Variants in PLCG2 observed in about 807,000 individuals in gnomAD.
PLCG2 encodes the protein phospholipase C gamma 2.
PLCG2 carries 69 observed loss-of-function variants against 175.6 expected under a neutral mutation model. That is an observed-to-expected ratio of 0.39 (90% CI 0.32 to 0.48). The LOEUF (loss-of-function observed/expected upper bound fraction) is 0.48, where lower values mean the gene tolerates loss of function less well. Among genes scored for constraint, PLCG2 ranks in the 20% least tolerant of loss-of-function variants. The pLI is 0.91. For synonymous variants in PLCG2, 827 were observed against 624.0 expected, an observed-to-expected ratio of 1.33 and a Z score of -4.85; for missense variants, 1,798 against 1,650.9, an observed-to-expected ratio of 1.09 and a Z score of -1.54.
chr16:81,801,766 C>T (rs551874122), intron 2 of PLCG2, among the ~76,000 whole-genome samples: 40 of 152,032 alleles, frequency 2.6e-4, no homozygotes, highest in Non-Finnish European at 5.1e-4. Flanking sequence ...CTGCAACCTC[C>T]GCCTCCAGGG....
At chr16:81,780,687 C>T (rs934139499) in intron 1 of PLCG2, among the ~76,000 whole-genome samples, 2 of 152,190 alleles carry the variant, frequency 1.3e-5, no homozygotes, top group Non-Finnish European at 2.9e-5. Context: ...CCCTTTTGCA[C>T]TCATTGGGTA....
At chr16:81,790,526 A>T (rs1292220280) in intron 2 of PLCG2, among the ~76,000 whole-genome samples, 1 of 152,172 alleles carries the variant, frequency 6.6e-6, no homozygotes, top group Admixed American at 6.5e-5. Context: ...GTTTTATCTC[A>T]AGAAGAACTC....
At chr16:81,863,051 T>G (rs768775747) in intron 5 of PLCG2, among the ~76,000 whole-genome samples, 3 of 152,190 alleles carry the variant, frequency 2.0e-5, no homozygotes, top group Non-Finnish European at 4.4e-5. Flanking sequence ...CAATGAAACA[T>G]AGAACAACAT....
At chr16:81,852,552 T>A (rs1906472010) in intron 2 of PLCG2, among the ~76,000 whole-genome samples, 1 of 151,556 alleles carries the variant, frequency 6.6e-6, no homozygotes. Context: ...GAAGGAGGAG[T>A]CACCTTTGAG....
intron 18 of PLCG2, 36 bp downstream of exon 18, chr16:81,910,756 G>C (rs2143658192): frequency 6.3e-7 from 1 of 1,584,700 alleles, no homozygotes; most frequent in African/African-American, 1.3e-5. Context: ...GGCAGGCGGT[G>C]GTCGGGTTAG....
chr16:81,771,602 T>C (rs140186933), intron 2 of PLCG2, among the ~76,000 whole-genome samples: 12 of 152,160 alleles, frequency 7.9e-5, no homozygotes, highest in African/African-American at 2.9e-4. Context: ...CTTCCTGCTG[T>C]CTCCCCATTG....
Position 81,937,852 on chromosome 16 carries a change from C to G in PLCG2, c.3147C>G (p.Asp1049Glu). Residue 1049 changes from aspartate (D) to glutamate (E), a missense_variant, in exon 28 of 33, where the codon GAC becomes GAG. By Grantham distance (45) the Asp-to-Glu change is conservative (BLOSUM62 2). Coordinates refer to ENST00000564138, the MANE Select transcript of PLCG2 (RefSeq NM_002661.5). ...AGAGCATGAGGACAGAGAAATATGA[C>G]CCGATGCCACCCGAGTCCCAGAGGA... ...QPESMRTEKY[D>E]PMPPESQRKI... The G allele has an allele frequency of 6.2e-7, 1 of 1,614,074 alleles. No homozygotes were observed.
intron 6 of PLCG2, among the ~76,000 whole-genome samples, chr16:81,870,435 C>A (rs1256481240): frequency 6.6e-6 from 1 of 152,170 alleles, no homozygotes; most frequent in Non-Finnish European, 1.5e-5. Context: ...ACAAATATGT[C>A]TGAAGTTGGA....
At chr16:81,782,577 G>T (rs1910787920) in intron 1 of PLCG2, among the ~76,000 whole-genome samples, 1 of 152,192 alleles carries the variant, frequency 6.6e-6, no homozygotes, top group African/African-American at 2.4e-5. Flanking sequence ...TTTTGGCCGT[G>T]AAGATCTGTT....
At chr16:81,771,279 G>A (rs551956997) in intron 2 of PLCG2, among the ~76,000 whole-genome samples, 1 of 152,236 alleles carries the variant, frequency 6.6e-6, no homozygotes, top group South Asian at 2.1e-4. Flanking sequence ...TCAGGCTGGA[G>A]TACACTGGTG....
chr16:81,759,663 G>A (rs563279001), intron 2 of PLCG2, among the ~76,000 whole-genome samples: 4 of 152,288 alleles, frequency 2.6e-5, no homozygotes, highest in East Asian at 3.9e-4. Context: ...CCTAGGGACC[G>A]CTACTGTTGC....
intron 2 of PLCG2, among the ~76,000 whole-genome samples, chr16:81,762,350 C>T (rs1248791388): frequency 6.6e-6 from 1 of 151,986 alleles, no homozygotes; most frequent in Non-Finnish European, 1.5e-5. Context: ...AGGCGGATCA[C>T]CTGAGGTCAG....
chr16:81,933,282 C>G (rs968325503), intron 25 of PLCG2, among the ~76,000 whole-genome samples: 11 of 152,324 alleles, frequency 7.2e-5, no homozygotes, highest in African/African-American at 2.6e-4. Context: ...ACACTGGGCA[C>G]AGCTACCCCT....
chr16:81,836,646 C>G lies in PLCG2; in HGVS notation c.194-17798C>G, dbSNP rs185012340. On this transcript the variant is annotated intron_variant, in intron 2 of 32. Transcript: ENST00000564138. Reference sequence around the variant, plus strand: ...GTCCCAGCTCCTTAGGAGACTGAGGCAGGAGAATCGCTTGAACTCAGGAGG... The same window carrying G: ...GTCCCAGCTCCTTAGGAGACTGAGGGAGGAGAATCGCTTGAACTCAGGAGG... Among the ~76,000 whole-genome samples the G allele has an allele frequency of 7.0e-4, 106 of 152,288 alleles. 1 individual carries two copies. The highest frequency in any genetic ancestry group is 1.9e-3 in the Admixed American group (29 of 15,294).
At position 81,958,969 on chromosome 16, in the gene PLCG2, T is replaced by C. The variant is rs1911681146; in HGVS notation, c.*971T>C. 2 of 223,368 alleles carry C rather than the reference T, an allele frequency of 9.0e-6. No individual in the cohort carries two copies. The highest frequency in any genetic ancestry group is 4.5e-5 in the African/African-American group (2 of 44,770). 13.8% of individuals were successfully genotyped at this position (223,368 alleles called of 1,614,324 possible). ...CTAAGCATTAGGGTGTTACAGAAAA[T>C]TTCAAATGCAGCCATCTCCCTTGGG... On this transcript the variant is annotated 3_prime_UTR_variant, in exon 33 of 33. Coordinates refer to ENST00000564138, the MANE Select transcript of PLCG2 (RefSeq NM_002661.5).
chr16:81,842,562 G>C (rs1286887788), intron 2 of PLCG2, among the ~76,000 whole-genome samples: 3 of 152,140 alleles, frequency 2.0e-5, no homozygotes, highest in African/African-American at 7.2e-5. Context: ...TTGCTCGCTT[G>C]AATATGTCTT....
At chr16:81,897,364 C>T (rs1032380431) in intron 13 of PLCG2, among the ~76,000 whole-genome samples, 1 of 152,280 alleles carries the variant, frequency 6.6e-6, no homozygotes, top group South Asian at 2.1e-4. Context: ...AAAGCACTTA[C>T]CATCCTATGC....
intron 2 of PLCG2, among the ~76,000 whole-genome samples, chr16:81,801,841 T>C (rs1299831313): frequency 6.6e-6 from 1 of 151,626 alleles, no homozygotes; most frequent in African/African-American, 2.4e-5. Flanking sequence ...CCACCACGCC[T>C]GGTTAATTTT....
At chr16:81,853,034 A>C (rs1322393012) in intron 2 of PLCG2, among the ~76,000 whole-genome samples, 3 of 152,186 alleles carry the variant, frequency 2.0e-5, no homozygotes, top group African/African-American at 7.2e-5. Context: ...AGGCCTTCTT[A>C]AGTATTAGGC....
Sources: gnomAD v4.1 joint callset for allele counts (sites outside exome capture counted in the v4.1 genomes callset) on GRCh38, gnomAD v4.1.1 for gene constraint, MANE v1.5 for transcripts, NCBI Gene and HGNC (gene_info 2026-07-23, HGNC 2026-07-21) for gene names.